Variants in EFHD2 observed in about 807,000 individuals in gnomAD.
EFHD2 encodes the protein EF-hand domain-containing protein D2.
In EFHD2, 12 loss-of-function variants were observed where a neutral mutation model predicts 20.3. The ratio of observed to expected loss-of-function variants is 0.59; its 90% CI spans 0.38 to 0.96. The LOEUF is 0.96. Ranked by LOEUF, EFHD2 falls within the 40% of genes least tolerant of loss-of-function variation. The probability of loss-of-function intolerance (pLI) is 0.00; values close to 1 mark genes in which losing one functional copy is unlikely to be tolerated. For synonymous variants in EFHD2, 131 were observed against 143.9 expected (o/e 0.91, Z 0.64); for missense variants, 250 against 334.3 (o/e 0.75, Z 1.97).
chr1:15,425,607 G>T (rs577573522), intron 1 of EFHD2, among the ~76,000 whole-genome samples: 1 of 152,000 alleles, frequency 6.6e-6, no homozygotes, highest in African/African-American at 2.4e-5. Context: ...CAGCTTCCTT[G>T]TGCCTCAGGC....
At position 15,430,215 on chromosome 1, in the gene EFHD2, G is replaced by C. The variant is rs1282292670; in HGVS notation, c.*1491G>C. On this transcript the variant is annotated 3_prime_UTR_variant, in exon 4 of 4. Transcript: ENST00000375980. ...AAATGTTTTTTTCTTTGGGCTTTTTGCTTCTTTTTTCCCCCCCTTCTCACC... is the reference window on the plus strand; with the variant it reads ...AAATGTTTTTTTCTTTGGGCTTTTTCCTTCTTTTTTCCCCCCCTTCTCACC... The C allele has an allele frequency of 6.5e-6, 1 of 153,240 alleles. No homozygotes were observed. Among genetic ancestry groups the C allele is most frequent in the Non-Finnish European group, 1.5e-5 (1 of 68,768 alleles). The allele number at this position is 153,240 out of a possible 1,614,324, so 9.5% of individuals were successfully genotyped here.
chr1:15,414,111 A>G (rs1348232235), intron 1 of EFHD2, among the ~76,000 whole-genome samples: 4 of 152,184 alleles, frequency 2.6e-5, no homozygotes, highest in Admixed American at 2.6e-4. Flanking sequence ...GCAGCCGTGT[A>G]ATTCTGAACC....
At chr1:15,417,812 G>C (rs925711354) in intron 1 of EFHD2, among the ~76,000 whole-genome samples, 1 of 152,116 alleles carries the variant, frequency 6.6e-6, no homozygotes, top group Non-Finnish European at 1.5e-5. Context: ...TGCACGCCCA[G>C]AGCGGCCATC....
At chr1:15,410,401 C>G (rs1473023239) in intron 1 of EFHD2, 122 bp downstream of exon 1, 2 of 1,238,226 alleles carry the variant, frequency 1.6e-6, no homozygotes, top group Non-Finnish European at 2.2e-6. Flanking sequence ...TTCCCCGAAC[C>G]CAGACGCACC....
chr1:15,418,903 G>A (rs547559804), intron 1 of EFHD2, among the ~76,000 whole-genome samples: 10 of 152,374 alleles, frequency 6.6e-5, no homozygotes, highest in African/African-American at 1.7e-4. Flanking sequence ...TCCCCTCTGA[G>A]CCTCAGTCTC....
At chr1:15,424,042 C>T (rs1275582231) in intron 1 of EFHD2, among the ~76,000 whole-genome samples, 1 of 151,568 alleles carries the variant, frequency 6.6e-6, no homozygotes, top group Non-Finnish European at 1.5e-5. Flanking sequence ...AAATACAAAA[C>T]TTGGCCAGTC....
At chr1:15,412,721 C>T (rs1350870474) in intron 1 of EFHD2, among the ~76,000 whole-genome samples, 1 of 152,176 alleles carries the variant, frequency 6.6e-6, no homozygotes, top group African/African-American at 2.4e-5. Context: ...ATGAGCGGGA[C>T]TTGGGAGGCT....
In EFHD2 at chr1:15,429,956, G is replaced by A. The variant is rs943335855; in HGVS notation, c.*1232G>A. Reference sequence around the variant, plus strand: ...CAGTCCAAACAAGTGAGTGGCCCTCGAGGCCACAGTTATGCAACTTTCAGT... The same window carrying A: ...CAGTCCAAACAAGTGAGTGGCCCTCAAGGCCACAGTTATGCAACTTTCAGT... On this transcript the variant is annotated 3_prime_UTR_variant, in exon 4 of 4. Transcript: ENST00000375980. The A allele has an allele frequency of 7.9e-5, 12 of 152,698 alleles. No individual in the cohort carries two copies. Among genetic ancestry groups the A allele is most frequent in the African/African-American group, 2.4e-4 (10 of 41,454 alleles). 9.5% of individuals were successfully genotyped at this position (152,698 alleles called of 1,614,324 possible).
Position 15,410,203 on chromosome 1 carries a change from C to G in EFHD2, c.232C>G (p.Arg78Gly). The change falls in exon 1 of 4, where the codon CGC (arginine) becomes GGC (glycine). Residue 78 changes from arginine to glycine, a missense_variant. Arg to Gly is a moderately radical substitution (Grantham distance 125, BLOSUM62 -2). Coordinates refer to ENST00000375980, the MANE Select transcript of EFHD2 (RefSeq NM_024329.6). Reference sequence around the variant, plus strand: ...CGGCGAGCCCCAGTCGCCCAGCCGCCGCGTCTTCAACCCCTACACCGAGTT... The same window carrying G: ...CGGCGAGCCCCAGTCGCCCAGCCGCGGCGTCTTCAACCCCTACACCGAGTT... ...GIGEPQSPSR[R>G]VFNPYTEFKE... 1 of 1,605,788 alleles carries G rather than the reference C, an allele frequency of 6.2e-7. No homozygotes were observed. Among genetic ancestry groups the G allele is most frequent in the Non-Finnish European group, 8.5e-7 (1 of 1,177,036 alleles).
At chr1:15,418,017 T>C (rs1038435182) in intron 1 of EFHD2, among the ~76,000 whole-genome samples, 2 of 130,284 alleles carry the variant, frequency 1.5e-5, no homozygotes, top group Non-Finnish European at 3.1e-5. Context: ...TGAGACAGAG[T>C]CTTGCTCTGT....
intron 1 of EFHD2, among the ~76,000 whole-genome samples, chr1:15,412,713 G>A (rs1433626777): frequency 6.6e-6 from 1 of 152,188 alleles, no homozygotes; most frequent in Non-Finnish European, 1.5e-5. Flanking sequence ...CACTTCAAAT[G>A]AGCGGGACTT....
rs1365952859 is a variant in EFHD2 at position 15,426,688 on chromosome 1, T to G, written c.457-462T>G. On this transcript the variant is annotated intron_variant, in intron 2 of 3. Coordinates refer to ENST00000375980, the MANE Select transcript of EFHD2 (RefSeq NM_024329.6). The surrounding 1 kb of genome is among the most constrained non-coding windows in gnomAD (Gnocchi z 4.6). Reference sequence around the variant, plus strand: ...GTGGCTGGGCGGGAGGTGTGGGCAGTGCAGGGTAACAGCTTAGAGTTCGAG... The same window carrying G: ...GTGGCTGGGCGGGAGGTGTGGGCAGGGCAGGGTAACAGCTTAGAGTTCGAG... Among the ~76,000 whole-genome samples, 1 of 152,004 alleles carries G rather than the reference T, an allele frequency of 6.6e-6. No homozygotes were observed. The highest frequency in any genetic ancestry group is 1.5e-5 in the Non-Finnish European group (1 of 68,000).
At chr1:15,423,108 G>A (rs1420974289) in intron 1 of EFHD2, among the ~76,000 whole-genome samples, 2 of 152,194 alleles carry the variant, frequency 1.3e-5, no homozygotes, top group African/African-American at 4.8e-5. Flanking sequence ...CTACCAGGCA[G>A]CAAACAGGGA....
In EFHD2 at chr1:15,428,945, T is replaced by G; in HGVS notation, c.*221T>G. 1.6e-6 allele frequency: 1 copy of G among 620,328 alleles called. No homozygotes were observed. Among genetic ancestry groups the G allele is most frequent in the East Asian group, 3.4e-5 (1 of 29,276 alleles). 38.4% of individuals were successfully genotyped at this position (620,328 alleles called of 1,614,324 possible). On this transcript the variant is annotated 3_prime_UTR_variant, in exon 4 of 4. Coordinates refer to ENST00000375980, the MANE Select transcript of EFHD2 (RefSeq NM_024329.6). The stretch of plus-strand genomic sequence containing the variant: ...GGCCGCCACACCGGCGCTGGCTCCC[T>G]GCCCGGCCCGGCCCTCCCTGGCAAT...
chr1:15,415,015 G>C (rs947856739), intron 1 of EFHD2, among the ~76,000 whole-genome samples: 1 of 152,096 alleles, frequency 6.6e-6, no homozygotes, highest in African/African-American at 2.4e-5. Context: ...CTGAGGATTA[G>C]GTATAAAAAC....
chr1:15,423,117 G>A (rs1169237272), intron 1 of EFHD2, among the ~76,000 whole-genome samples: 3 of 152,282 alleles, frequency 2.0e-5, no homozygotes, highest in Admixed American at 2.0e-4. Context: ...AGCAAACAGG[G>A]ACCAGAGATG....
chr1:15,421,345 G>A (rs1298912429), intron 1 of EFHD2, among the ~76,000 whole-genome samples: 1 of 152,036 alleles, frequency 6.6e-6, no homozygotes, highest in Non-Finnish European at 1.5e-5. Context: ...CTCTCCAGGA[G>A]TCTCTTGGGA....
intron 1 of EFHD2, among the ~76,000 whole-genome samples, chr1:15,418,277 A>G (rs1343762256): frequency 7.0e-6 from 1 of 143,722 alleles, no homozygotes; most frequent in African/African-American, 2.6e-5. Context: ...GGCGTGAGCC[A>G]CTGCACCTGG....
In EFHD2 at chr1:15,429,405, G is replaced by C. The variant is rs1707929394; in HGVS notation, c.*681G>C. ...AGATCTCTGGGGCCCAGCCAGGCAGGGTGTGGGGGCAGCTGTGCCAATCTA... is the reference window on the plus strand; with the variant it reads ...AGATCTCTGGGGCCCAGCCAGGCAGCGTGTGGGGGCAGCTGTGCCAATCTA... On this transcript the variant is annotated 3_prime_UTR_variant, in exon 4 of 4. Transcript: ENST00000375980. 1 of 152,840 alleles carries C rather than the reference G, an allele frequency of 6.5e-6. No individual in the cohort carries two copies. The highest frequency in any genetic ancestry group is 1.5e-5 in the Non-Finnish European group (1 of 68,214). The allele number at this position is 152,840 out of a possible 1,614,324, so 9.5% of individuals were successfully genotyped here.
Sources: allele counts gnomAD v4.1 joint callset (sites outside exome capture counted in the v4.1 genomes callset), GRCh38; gene constraint gnomAD v4.1.1; non-coding constraint Gnocchi (gnomAD v3.1); transcripts MANE v1.5; gene names NCBI Gene and HGNC (gene_info 2026-07-23, HGNC 2026-07-21).